Variants in DIP2C observed in about 807,000 individuals in gnomAD.
The protein encoded by DIP2C is DIP2 acetate--CoA ligase C (putative), also known as disco-interacting protein 2 homolog C.
In DIP2C, 33 loss-of-function variants were observed where a neutral mutation model predicts 192.4. The observed-to-expected ratio is 0.17, with a 90% CI of 0.13 to 0.23. The LOEUF (loss-of-function observed/expected upper bound fraction) is 0.23, where lower values mean the gene tolerates loss of function less well. DIP2C is among the 10% of genes least tolerant of loss of function. DIP2C has a pLI of 1.00. For missense variants in DIP2C, 1,537 were observed against 2,110.1 expected (o/e 0.73, Z 5.32); for synonymous variants, 979 against 864.1 (o/e 1.13, Z -2.33).
At position 614,289 on chromosome 10, in the gene DIP2C, T is replaced by C. The variant is rs572861283; in HGVS notation, c.85+75205A>G. Among the ~76,000 whole-genome samples the C allele has an allele frequency of 4.5e-4, 68 of 152,224 alleles. 1 individual carries two copies. Among genetic ancestry groups the C allele is most frequent in the African/African-American group, 1.5e-3 (63 of 41,552 alleles). On this transcript the variant is annotated intron_variant, in intron 1 of 36. Transcript: ENST00000280886. The stretch of plus-strand genomic sequence containing the variant: ...TCCAGTGTATGGTGTGGATGATGGG[T>C]GCATTTCCCCTGGAGACTCGGAGAC...
intron 1 of DIP2C, among the ~76,000 whole-genome samples, chr10:546,501 A>G (rs1281451065): frequency 6.6e-6 from 1 of 152,166 alleles, no homozygotes. Context: ...GTTGAAGTTT[A>G]TGAAAAATGT....
intron 10 of DIP2C, among the ~76,000 whole-genome samples, chr10:396,871 G>A (rs1964033954): frequency 6.6e-6 from 1 of 150,728 alleles, no homozygotes; most frequent in African/African-American, 2.4e-5. Flanking sequence ...GGGGAAACTG[G>A]CATTCTCCCA....
chr10:675,339 G>A (rs1830835373), intron 1 of DIP2C, among the ~76,000 whole-genome samples: 1 of 151,656 alleles, frequency 6.6e-6, no homozygotes, highest in South Asian at 2.1e-4. Context: ...TTAAAAAAAA[G>A]ATTTAAAATA....
intron 32 of DIP2C, among the ~76,000 whole-genome samples, chr10:289,080 T>A (rs1473872517): frequency 6.6e-6 from 1 of 152,228 alleles, no homozygotes; most frequent in African/African-American, 2.4e-5. Flanking sequence ...ACCAGGTGCC[T>A]AGTGGACCAT....
intron 1 of DIP2C, among the ~76,000 whole-genome samples, chr10:598,919 GAA>G (rs1463435678): frequency 6.6e-6 from 1 of 152,218 alleles, no homozygotes; most frequent in Non-Finnish European, 1.5e-5. Context: ...GTTAAAAGTA[GAA>G]AAGACTGCCT....
At chr10:380,651 T>C (rs1962286546) in intron 17 of DIP2C, among the ~76,000 whole-genome samples, 1 of 152,202 alleles carries the variant, frequency 6.6e-6, no homozygotes, top group African/African-American at 2.4e-5. Flanking sequence ...TTAAAAAACA[T>C]AAGGAGTAAA....
intron 1 of DIP2C, among the ~76,000 whole-genome samples, chr10:502,958 A>G (rs749470842): frequency 4.6e-5 from 7 of 152,014 alleles, no homozygotes; most frequent in Non-Finnish European, 1.0e-4. Context: ...CGGACTTACC[A>G]CAATTCCAGC....
chr10:369,653 CTT>C lies in DIP2C; in HGVS notation c.1992-22_1992-21del. The C allele has an allele frequency of 6.2e-7, 1 of 1,614,116 alleles. No individual in the cohort carries two copies. The highest frequency in any genetic ancestry group is 8.5e-7 in the Non-Finnish European group (1 of 1,180,020). ...GTGGGCCTGTAATGACAGTTTTTAA[CTT>C]GAATATGCAGGAGCAGATAAGCCAT... On this transcript the variant is annotated intron_variant, in intron 17 of 36. Transcript: ENST00000280886.
rs1956375826 is a variant in DIP2C at position 307,511 on chromosome 10, T to TGGGCTGG, written c.3986+2513_3986+2519dup. On this transcript the variant is annotated intron_variant, in intron 32 of 36. Transcript: ENST00000280886. ...CCCCTGGGGCCACACTCCTTGGAGGTGGGCTGGGGGCTGCGGACTGTGAGT... is the reference window on the plus strand; with the variant it reads ...CCCCTGGGGCCACACTCCTTGGAGGTGGGCTGGGGGCTGGGGGCTGCGGACTGTGAGT... Among the ~76,000 whole-genome samples the TGGGCTGG allele has an allele frequency of 3.3e-5, 5 of 151,750 alleles. No individual in the cohort carries two copies. The South Asian group carries it at 1.0e-3, about 32-fold the overall frequency.
chr10:415,664 C>T (rs1050660902), intron 7 of DIP2C, 105 bp downstream of exon 7: 11 of 1,483,696 alleles, frequency 7.4e-6, no homozygotes, highest in South Asian at 3.9e-5. Flanking sequence ...GCAAATGCCA[C>T]GATTACTGCT....
chr10:396,058 T>C (rs1963964352), intron 10 of DIP2C, among the ~76,000 whole-genome samples: 1 of 152,196 alleles, frequency 6.6e-6, no homozygotes, highest in African/African-American at 2.4e-5. Context: ...TGTTGGGTCC[T>C]CCTGTGGGAG....
intron 17 of DIP2C, among the ~76,000 whole-genome samples, chr10:378,639 G>T (rs552737035): frequency 9.1e-5 from 12 of 131,572 alleles, no homozygotes; most frequent in Non-Finnish European, 6.7e-5. Context: ...ACACAGACAT[G>T]CATAAAGACA....
At chr10:564,317 C>G (rs1243966317) in intron 1 of DIP2C, among the ~76,000 whole-genome samples, 1 of 152,040 alleles carries the variant, frequency 6.6e-6, no homozygotes, top group Non-Finnish European at 1.5e-5. Flanking sequence ...GCCCACAGCT[C>G]CATCTCCTCA....
intron 1 of DIP2C, among the ~76,000 whole-genome samples, chr10:613,903 G>A (rs1177291318): frequency 3.9e-5 from 6 of 151,970 alleles, no homozygotes; most frequent in African/African-American, 1.2e-4. Context: ...CCCCACAGCT[G>A]GAAACACCTG....
intron 17 of DIP2C, among the ~76,000 whole-genome samples, chr10:378,395 AG>A (rs1961894870): frequency 6.6e-6 from 1 of 152,256 alleles, no homozygotes; most frequent in Admixed American, 6.5e-5. Context: ...AGGCATACAC[AG>A]GTGAAGACAG....
At chr10:437,625 A>G (rs1304617058) in intron 4 of DIP2C, 1 of 152,268 alleles carries the variant, frequency 6.6e-6, no homozygotes, top group African/African-American at 2.4e-5. Context: ...CGTTTTGTGC[A>G]GTTTTACAGT....
At position 540,687 on chromosome 10, in the gene DIP2C, G is replaced by C. The variant is rs75006279; in HGVS notation, c.86-54157C>G. On this transcript the variant is annotated intron_variant, in intron 1 of 36. Transcript: ENST00000280886. ...GCCACCAAATCGTACACTTAAAAAT[G>C]GTCACAGTGCTATGTAATTTTACCA... Among the ~76,000 whole-genome samples, 212 of 152,252 alleles carry C rather than the reference G, an allele frequency of 1.4e-3. 2 individuals carry two copies. Among genetic ancestry groups the C allele is most frequent in the African/African-American group, 4.9e-3 (203 of 41,548 alleles).
At chr10:584,043 A>G (rs1472742531) in intron 1 of DIP2C, among the ~76,000 whole-genome samples, 1 of 152,074 alleles carries the variant, frequency 6.6e-6, no homozygotes, top group Non-Finnish European at 1.5e-5. Flanking sequence ...TGTCTGTCCT[A>G]TGGAGGAGGT....
intron 1 of DIP2C, among the ~76,000 whole-genome samples, chr10:644,250 G>C (rs956969971): frequency 6.6e-6 from 1 of 152,238 alleles, no homozygotes; most frequent in African/African-American, 2.4e-5. Context: ...AGTGGGGATG[G>C]GGAGGCTGCA....
Sources: gnomAD v4.1 joint callset for allele counts (sites outside exome capture counted in the v4.1 genomes callset) on GRCh38, gnomAD v4.1.1 for gene constraint, MANE v1.5 for transcripts, NCBI Gene and HGNC (gene_info 2026-07-23, HGNC 2026-07-21) for gene names.